Variants in GPATCH2 observed in about 807,000 individuals in gnomAD.
The protein encoded by GPATCH2 is G-patch domain containing 2.
In GPATCH2, 51 loss-of-function variants were observed where a neutral mutation model predicts 58.0. The observed-to-expected ratio is 0.88, with a 90% CI of 0.70 to 1.11. GPATCH2 has a LOEUF of 1.11. GPATCH2 is among the 50% of genes most tolerant of loss of function. The pLI, the probability that GPATCH2 is intolerant of heterozygous loss-of-function variation, is 0.00. For missense variants in GPATCH2, 625 were observed against 652.2 expected (o/e 0.96, Z 0.45); for synonymous variants, 222 against 218.5 (o/e 1.02, Z -0.14).
intron 9 of GPATCH2, among the ~76,000 whole-genome samples, chr1:217,437,661 T>C (rs1658903963): frequency 6.6e-6 from 1 of 152,212 alleles, no homozygotes; most frequent in African/African-American, 2.4e-5. Context: ...GTAAAGCTGC[T>C]GTAGCCAGAC....
At position 217,427,184 on chromosome 1, in the gene GPATCH2, C is replaced by T. The variant is rs1658372723; in HGVS notation, c.*3961G>A. The T allele has an allele frequency of 6.6e-6, 1 of 152,022 alleles. No homozygotes were observed. The highest frequency in any genetic ancestry group is 6.6e-5 in the Admixed American group (1 of 15,258). 9.4% of individuals were successfully genotyped at this position (152,022 alleles called of 1,614,324 possible). A position where few individuals can be genotyped will look rare whatever the true frequency, so the allele number is the denominator to read the frequency against. On this transcript the variant is annotated 3_prime_UTR_variant, in exon 10 of 10. Transcript: ENST00000366935. The stretch of plus-strand genomic sequence containing the variant: ...TGATACTTTAAGTGGTCAGAGAGAG[C>T]GTGTGTACCTTGTTACATTAGAATC...
intron 3 of GPATCH2, among the ~76,000 whole-genome samples, chr1:217,612,540 T>C (rs1191284887): frequency 1.3e-5 from 2 of 152,064 alleles, no homozygotes; most frequent in African/African-American, 4.8e-5. Context: ...TTAAAAAAAT[T>C]TTTCAAAACA....
intron 8 of GPATCH2, among the ~76,000 whole-genome samples, chr1:217,485,861 C>A (rs1661430177): frequency 1.3e-5 from 2 of 152,170 alleles, no homozygotes; most frequent in East Asian, 3.8e-4. Flanking sequence ...GGACCACTGT[C>A]ATATATGTGA....
chr1:217,629,264 G>C (rs886819111), intron 1 of GPATCH2, among the ~76,000 whole-genome samples: 5 of 152,024 alleles, frequency 3.3e-5, no homozygotes, highest in Non-Finnish European at 5.9e-5. Context: ...AGAAAATAAA[G>C]ATCCAGTTTT....
chr1:217,511,966 C>T (rs1032666221), intron 6 of GPATCH2, among the ~76,000 whole-genome samples: 3 of 152,106 alleles, frequency 2.0e-5, no homozygotes, highest in Non-Finnish European at 2.9e-5. Context: ...CACATTGGCT[C>T]TACATAGGTA....
chr1:217,621,650 T>C (rs1188430052), intron 1 of GPATCH2, among the ~76,000 whole-genome samples: 1 of 152,254 alleles, frequency 6.6e-6, no homozygotes, highest in Non-Finnish European at 1.5e-5. Context: ...AGGTTATAGC[T>C]GGTTATAGTT....
At chr1:217,434,227 A>T (rs894272635) in intron 9 of GPATCH2, among the ~76,000 whole-genome samples, 1 of 152,244 alleles carries the variant, frequency 6.6e-6, no homozygotes, top group Non-Finnish European at 1.5e-5. Context: ...CCACTTGAGA[A>T]GGGCAAAATG....
At chr1:217,442,393 T>C (rs1244726619) in intron 9 of GPATCH2, among the ~76,000 whole-genome samples, 1 of 152,130 alleles carries the variant, frequency 6.6e-6, no homozygotes, top group African/African-American at 2.4e-5. Flanking sequence ...ATAATGTAGA[T>C]GACAGGTTGA....
At chr1:217,510,962 G>A (rs1662820480) in intron 6 of GPATCH2, among the ~76,000 whole-genome samples, 1 of 152,068 alleles carries the variant, frequency 6.6e-6, no homozygotes. Context: ...TCTGGGCGTG[G>A]TGGCGCACGC....
chr1:217,457,546 A>G (rs781411998), intron 8 of GPATCH2, among the ~76,000 whole-genome samples: 14 of 152,216 alleles, frequency 9.2e-5, no homozygotes, highest in Non-Finnish European at 1.8e-4. Flanking sequence ...ACCTAGAGTC[A>G]CAGATGGAAG....
intron 5 of GPATCH2, among the ~76,000 whole-genome samples, chr1:217,577,760 A>G (rs927777803): frequency 1.2e-4 from 18 of 151,638 alleles, no homozygotes; most frequent in South Asian, 4.2e-4. Flanking sequence ...TATTATTGTT[A>G]GTTTGAGATG....
chr1:217,622,744 T>G (rs934923346), intron 1 of GPATCH2, among the ~76,000 whole-genome samples: 1 of 152,142 alleles, frequency 6.6e-6, no homozygotes. Flanking sequence ...AGGGTTTCAC[T>G]GTGTTGGCCA....
At chr1:217,536,428 G>A (rs1331230329) in intron 5 of GPATCH2, among the ~76,000 whole-genome samples, 1 of 152,036 alleles carries the variant, frequency 6.6e-6, no homozygotes, top group Admixed American at 6.6e-5. Context: ...CCATTCTTTT[G>A]CTTCTTATTT....
chr1:217,470,806 T>C (rs1660692728), intron 8 of GPATCH2, among the ~76,000 whole-genome samples: 1 of 152,136 alleles, frequency 6.6e-6, no homozygotes, highest in South Asian at 2.1e-4. Context: ...TAGACGCCAT[T>C]TGAGCTTTCT....
intron 5 of GPATCH2, among the ~76,000 whole-genome samples, chr1:217,533,866 T>C (rs1017671905): frequency 1.3e-5 from 2 of 152,328 alleles, no homozygotes; most frequent in African/African-American, 4.8e-5. Flanking sequence ...GAAAACTCTG[T>C]GCTCTTTTAA....
Position 217,428,843 on chromosome 1 carries a change from CAGCAACAATAAAG to C in GPATCH2, c.*2289_*2301del, listed in dbSNP as rs1325542291. ...TCAGAAGATTTGTACCTGTCCAGAA[CAGCAACAATAAAG>C]AGCACTCATAAGGACTGCAATATTT... On this transcript the variant is annotated 3_prime_UTR_variant, in exon 10 of 10. Coordinates refer to ENST00000366935, the MANE Select transcript of GPATCH2 (RefSeq NM_018040.5). 6.6e-6 allele frequency: 1 copy of C among 152,130 alleles called. No homozygotes were observed. Among genetic ancestry groups the C allele is most frequent in the Admixed American group, 6.5e-5 (1 of 15,268 alleles). The allele number at this position is 152,130 out of a possible 1,614,324, so 9.4% of individuals were successfully genotyped here. A position where few individuals can be genotyped will look rare whatever the true frequency, so the allele number is the denominator to read the frequency against.
chr1:217,604,455 T>C (rs1668263547), intron 5 of GPATCH2, among the ~76,000 whole-genome samples: 2 of 152,118 alleles, frequency 1.3e-5, no homozygotes. Flanking sequence ...ATGACATATA[T>C]TTAAAATATA....
At chr1:217,536,790 C>T (rs1028432770) in intron 5 of GPATCH2, among the ~76,000 whole-genome samples, 1 of 152,124 alleles carries the variant, frequency 6.6e-6, no homozygotes, top group Admixed American at 6.5e-5. Context: ...GCCTGACCAA[C>T]ATGGTGAAAA....
chr1:217,492,219 A>G (rs1661778880), intron 7 of GPATCH2, among the ~76,000 whole-genome samples: 2 of 152,166 alleles, frequency 1.3e-5, no homozygotes, highest in African/African-American at 4.8e-5. Context: ...AAGAGCTAAT[A>G]TTATTTTCTC....
Sources: gnomAD v4.1 joint callset for allele counts (sites outside exome capture counted in the v4.1 genomes callset) on GRCh38, gnomAD v4.1.1 for gene constraint, MANE v1.5 for transcripts, NCBI Gene and HGNC (gene_info 2026-07-23, HGNC 2026-07-21) for gene names.